Variants in ASIC2 observed in about 807,000 individuals in gnomAD.
The protein encoded by ASIC2 is acid sensing ion channel subunit 2.
A neutral mutation model predicts 57.3 loss-of-function variants in ASIC2; 25 were observed. The ratio of observed to expected loss-of-function variants is 0.44; its 90% CI spans 0.32 to 0.61. The LOEUF (loss-of-function observed/expected upper bound fraction) is 0.61, where lower values mean the gene tolerates loss of function less well. Ranked by LOEUF, ASIC2 falls within the 20% of genes least tolerant of loss-of-function variation. The pLI is 0.06. For synonymous variants in ASIC2, 319 were observed against 307.5 expected (o/e 1.04, Z -0.39); for missense variants, 641 against 738.1 (o/e 0.87, Z 1.52).
At chr17:33,281,842 A>G (rs919185051) in intron 1 of ASIC2, among the ~76,000 whole-genome samples, 3 of 152,134 alleles carry the variant, frequency 2.0e-5, no homozygotes, top group African/African-American at 7.2e-5. Flanking sequence ...CAGCTCTCTA[A>G]CGGCCACCCA....
intron 1 of ASIC2, among the ~76,000 whole-genome samples, chr17:33,412,262 C>T (rs939925314): frequency 6.6e-6 from 1 of 152,206 alleles, no homozygotes; most frequent in African/African-American, 2.4e-5. Flanking sequence ...CAGGCCCTAT[C>T]ATCTTTGTAC....
intron 1 of ASIC2, among the ~76,000 whole-genome samples, chr17:33,176,730 T>C (rs780639569): frequency 8.1e-4 from 123 of 152,338 alleles, no homozygotes; most frequent in Non-Finnish European, 1.4e-3. Flanking sequence ...GGAAGAATTA[T>C]CCCTAATTTC....
At chr17:33,362,770 C>G (rs1347807931) in intron 1 of ASIC2, among the ~76,000 whole-genome samples, 1 of 152,194 alleles carries the variant, frequency 6.6e-6, no homozygotes, top group African/African-American at 2.4e-5. Flanking sequence ...ATGAAAGAGA[C>G]GCTCTTCAAA....
At chr17:34,035,050 G>T (rs765110014) in intron 1 of ASIC2, among the ~76,000 whole-genome samples, 1 of 145,754 alleles carries the variant, frequency 6.9e-6, no homozygotes, top group Admixed American at 6.6e-5. Context: ...AGCCTGCATC[G>T]CCAAGTCAAT....
intron 1 of ASIC2, among the ~76,000 whole-genome samples, chr17:34,147,589 C>T (rs1315202230): frequency 1.3e-5 from 2 of 152,136 alleles, no homozygotes; most frequent in Admixed American, 6.5e-5. Context: ...TGCTATCCAG[C>T]AACCCCTAAG....
chr17:34,050,600 G>A (rs1908521036), intron 1 of ASIC2, among the ~76,000 whole-genome samples: 1 of 152,074 alleles, frequency 6.6e-6, no homozygotes, highest in Admixed American at 6.6e-5. Flanking sequence ...TCTATTTTTA[G>A]TTTCCATCTC....
chr17:34,142,385 GA>G (rs1567836734), intron 1 of ASIC2, among the ~76,000 whole-genome samples: 4 of 152,156 alleles, frequency 2.6e-5, no homozygotes. Flanking sequence ...TATAGTGCTG[GA>G]TTAGAAGTCA....
At chr17:33,624,283 A>C (rs1309507227) in intron 1 of ASIC2, among the ~76,000 whole-genome samples, 1 of 152,258 alleles carries the variant, frequency 6.6e-6, no homozygotes, top group African/African-American at 2.4e-5. Flanking sequence ...GTTTGGAGGC[A>C]GACACACCCA....
intron 1 of ASIC2, among the ~76,000 whole-genome samples, chr17:33,613,531 A>T (rs1199360904): frequency 6.7e-6 from 1 of 148,924 alleles, no homozygotes; most frequent in African/African-American, 2.5e-5. Flanking sequence ...CGCCCAGCTA[A>T]TTTTTTGTGT....
intron 1 of ASIC2, among the ~76,000 whole-genome samples, chr17:33,926,259 C>T (rs1426617599): frequency 6.6e-6 from 1 of 152,174 alleles, no homozygotes; most frequent in East Asian, 1.9e-4. Context: ...GAGTAGTTCA[C>T]TTAATCCTCA....
At chr17:33,731,995 A>C (rs1432610742) in intron 1 of ASIC2, among the ~76,000 whole-genome samples, 1 of 152,212 alleles carries the variant, frequency 6.6e-6, no homozygotes, top group African/African-American at 2.4e-5. Context: ...TGATTCATAA[A>C]ATGTATCATG....
chr17:33,252,339 G>A (rs1908913102), intron 1 of ASIC2, among the ~76,000 whole-genome samples: 1 of 152,182 alleles, frequency 6.6e-6, no homozygotes, highest in Admixed American at 6.5e-5. Context: ...GCAAATGAAT[G>A]TCATGCATAA....
chr17:34,040,569 G>C (rs1243393373), intron 1 of ASIC2, among the ~76,000 whole-genome samples: 2 of 152,188 alleles, frequency 1.3e-5, no homozygotes, highest in African/African-American at 4.8e-5. Context: ...GTAAGGGTTA[G>C]ACAGGGTAGG....
chr17:33,625,175 C>CT lies in ASIC2; in HGVS notation c.556-513109_556-513108insA, dbSNP rs781282766. 1.1e-4 allele frequency among the ~76,000 whole-genome samples: 14 copies of CT among 132,592 alleles called. No homozygotes were observed. In the South Asian group the frequency reaches 1.5e-3, roughly 14 times the overall value. The allele number at this position is 132,592 out of a possible 152,430, so 87.0% of individuals were successfully genotyped here. On this transcript the variant is annotated intron_variant, in intron 1 of 9. Transcript: ENST00000359872. Reference sequence around the variant, plus strand: ...TCTATCTATCTATCTATCTATCTATCATCTATTATCTATCTATTATCTGTC... The same window carrying CT: ...TCTATCTATCTATCTATCTATCTATCTATCTATTATCTATCTATTATCTGTC...
intron 1 of ASIC2, among the ~76,000 whole-genome samples, chr17:34,011,931 T>C (rs928514819): frequency 2.6e-5 from 4 of 152,330 alleles, no homozygotes; most frequent in African/African-American, 9.6e-5. Flanking sequence ...GCCTTGCACC[T>C]GACATCTCAG....
chr17:34,099,102 A>AAGAGAG (rs74200841), intron 1 of ASIC2, among the ~76,000 whole-genome samples: 4 of 81,186 alleles, frequency 4.9e-5, no homozygotes, highest in Middle Eastern at 4.6e-3. Flanking sequence ...TAAGAGAGAA[A>AAGAGAG]AGAGAGAGAG....
intron 1 of ASIC2, among the ~76,000 whole-genome samples, chr17:33,870,328 A>G (rs1259029235): frequency 1.4e-5 from 2 of 146,668 alleles, no homozygotes; most frequent in Non-Finnish European, 3.0e-5. Context: ...GAACGAACAC[A>G]GAAAGACCAG....
chr17:33,361,008 A>G (rs1908581719), intron 1 of ASIC2, among the ~76,000 whole-genome samples: 1 of 152,170 alleles, frequency 6.6e-6, no homozygotes, highest in Non-Finnish European at 1.5e-5. Flanking sequence ...CAGAGCTTGG[A>G]GTGCTTTCAG....
At chr17:33,425,974 A>G (rs1393252984) in intron 1 of ASIC2, among the ~76,000 whole-genome samples, 1 of 152,068 alleles carries the variant, frequency 6.6e-6, no homozygotes, top group African/African-American at 2.4e-5. Context: ...GGGACTCTGG[A>G]GAGAGAGGGG....
Sources: allele counts gnomAD v4.1 joint callset (sites outside exome capture counted in the v4.1 genomes callset), GRCh38; gene constraint gnomAD v4.1.1; transcripts MANE v1.5; gene names NCBI Gene and HGNC (gene_info 2026-07-23, HGNC 2026-07-21).